The following TLN2 variants were observed in gnomAD, a reference collection of about 807,000 sequenced individuals.
TLN2 encodes the protein talin-2.
In TLN2, 118 loss-of-function variants were observed where a neutral mutation model predicts 294.7. That is an observed-to-expected ratio of 0.40 (90% CI 0.34 to 0.47). TLN2 has a LOEUF of 0.47. Ranked by LOEUF, TLN2 falls within the 20% of genes least tolerant of loss-of-function variation. TLN2 has a pLI of 0.84. For missense variants in TLN2, 3,083 were observed against 3,282.2 expected, an observed-to-expected ratio of 0.94 and a Z score of 1.48; for synonymous variants, 1,431 against 1,304.5, an observed-to-expected ratio of 1.10 and a Z score of -2.09.
chr15:62,627,489 G>C (rs1483488377), intron 3 of TLN2, among the ~76,000 whole-genome samples: 2 of 152,176 alleles, frequency 1.3e-5, no homozygotes, highest in African/African-American at 4.8e-5. Flanking sequence ...TTTAACAGTT[G>C]TAATTATCCT....
chr15:62,630,232 G>A (rs2049662265), intron 3 of TLN2, among the ~76,000 whole-genome samples: 1 of 152,206 alleles, frequency 6.6e-6, no homozygotes, highest in African/African-American at 2.4e-5. Context: ...GGTAAAGCCA[G>A]ATTTTAGGTA....
chr15:62,748,219 T>C (rs544809634), intron 32 of TLN2, 132 bp from the exon 33 acceptor site: 2 of 676,986 alleles, frequency 3.0e-6, no homozygotes, highest in African/African-American at 1.8e-5. Flanking sequence ...GTAGAGCCTC[T>C]GCAGAAGAGT....
At chr15:62,447,655 G>A (rs954884374) in intron 1 of TLN2, among the ~76,000 whole-genome samples, 2 of 151,910 alleles carry the variant, frequency 1.3e-5, no homozygotes, top group African/African-American at 2.4e-5. Flanking sequence ...CACCACGCCC[G>A]GCTAATTTTT....
intron 45 of TLN2, among the ~76,000 whole-genome samples, chr15:62,785,269 A>G (rs1428600732): frequency 6.6e-6 from 1 of 152,200 alleles, no homozygotes; most frequent in Admixed American, 6.5e-5. Flanking sequence ...CTGTTTTAGT[A>G]AGATCATCTA....
chr15:62,528,553 C>T (rs1053792782), intron 1 of TLN2, among the ~76,000 whole-genome samples: 1 of 151,938 alleles, frequency 6.6e-6, no homozygotes, highest in Non-Finnish European at 1.5e-5. Flanking sequence ...AGCAAGGGTA[C>T]TCAAGAGACA....
intron 10 of TLN2, 130 bp from the exon 11 acceptor site, chr15:62,675,087 C>T (rs748831689): frequency 2.2e-5 from 18 of 814,978 alleles, no homozygotes; most frequent in Non-Finnish European, 3.4e-5. Flanking sequence ...ATGGAGGGGT[C>T]TCAGACACAA....
chr15:62,486,774 G>A (rs2038423062), intron 1 of TLN2, among the ~76,000 whole-genome samples: 1 of 149,582 alleles, frequency 6.7e-6, no homozygotes, highest in Non-Finnish European at 1.5e-5. Flanking sequence ...AGTTTAAAGA[G>A]GGCATTGTCT....
chr15:62,805,031 TCA>T (rs1396383140), intron 50 of TLN2, among the ~76,000 whole-genome samples: 2 of 152,138 alleles, frequency 1.3e-5, no homozygotes, highest in African/African-American at 2.4e-5. Flanking sequence ...GCTAAATAAT[TCA>T]CAGTGTCACC....
chr15:62,819,112 G>C (rs2067348102), intron 52 of TLN2, among the ~76,000 whole-genome samples: 1 of 151,906 alleles, frequency 6.6e-6, no homozygotes, highest in Non-Finnish European at 1.5e-5. Context: ...CTCCCACCTC[G>C]GCCTCCCAAA....
chr15:62,675,345 G>C (rs759606601), intron 11 of TLN2, 24 bp downstream of exon 11: 4 of 1,609,812 alleles, frequency 2.5e-6, no homozygotes, highest in Non-Finnish European at 2.6e-6. Flanking sequence ...AATGGGGAGA[G>C]TGTTCACCTT....
chr15:62,514,170 C>T (rs1249319153), intron 1 of TLN2, among the ~76,000 whole-genome samples: 2 of 152,184 alleles, frequency 1.3e-5, no homozygotes, highest in African/African-American at 2.4e-5. Context: ...ACACCTCCAG[C>T]TTTTTTAGTT....
intron 28 of TLN2, among the ~76,000 whole-genome samples, chr15:62,733,723 TCTGTTA>T (rs1390659266): frequency 1.3e-5 from 2 of 152,242 alleles, no homozygotes; most frequent in Non-Finnish European, 2.9e-5. Flanking sequence ...TGTATAAGAC[TCTGTTA>T]CTAAGTATCA....
At chr15:62,792,827 G>C in intron 46 of TLN2, 40 bp downstream of exon 46, 1 of 1,609,440 alleles carries the variant, frequency 6.2e-7, no homozygotes, top group Non-Finnish European at 8.5e-7. Context: ...AAGAACCTGC[G>C]CTGGCTCTCA....
intron 54 of TLN2, 113 bp downstream of exon 54, chr15:62,820,723 C>G (rs1051610803): frequency 2.2e-6 from 3 of 1,393,066 alleles, no homozygotes; most frequent in African/African-American, 1.4e-5. Context: ...TATGGTCAGA[C>G]TAGCAAGCAG....
chr15:62,400,348 C>T (rs566119468), intron 1 of TLN2, among the ~76,000 whole-genome samples: 6 of 152,296 alleles, frequency 3.9e-5, no homozygotes, highest in Admixed American at 2.6e-4. Flanking sequence ...AAGTTAGAAT[C>T]TCAGTCAAGG....
In TLN2 at chr15:62,675,288, C is replaced by G; in HGVS notation, c.924C>G (p.Leu308=). The G allele has an allele frequency of 1.2e-6, 2 of 1,614,224 alleles. No homozygotes were observed. The highest frequency in any genetic ancestry group is 2.2e-5 in the East Asian group (1 of 44,878). ...AGTACGTCAAACTCGCACGGTCCCT[C>G]CGCACATATGGCGTGTCCTTCTTCC... ...KVKYVKLARS[L]RTYGVSFFLV... Residue 308 remains leucine, a synonymous_variant, in exon 11 of 59, where the codon CTC becomes CTG. Transcript: ENST00000636159.
intron 1 of TLN2, among the ~76,000 whole-genome samples, chr15:62,479,536 G>T (rs888531220): frequency 1.3e-5 from 2 of 152,128 alleles, no homozygotes; most frequent in Non-Finnish European, 2.9e-5. Flanking sequence ...GAGTGCAGTG[G>T]CGCAATCTTG....
chr15:62,478,292 G>A (rs956305245), intron 1 of TLN2, among the ~76,000 whole-genome samples: 3 of 152,134 alleles, frequency 2.0e-5, no homozygotes, highest in Admixed American at 2.0e-4. Context: ...GACTAGAAGT[G>A]GGATTTTACA....
intron 9 of TLN2, among the ~76,000 whole-genome samples, chr15:62,666,986 G>C (rs1328633916): frequency 6.6e-6 from 1 of 152,138 alleles, no homozygotes; most frequent in African/African-American, 2.4e-5. Flanking sequence ...TCTTTTTTGA[G>C]ATGGAGTCTC....
Sources: gnomAD v4.1 joint callset for allele counts (sites outside exome capture counted in the v4.1 genomes callset) on GRCh38, gnomAD v4.1.1 for gene constraint, MANE v1.5 for transcripts, NCBI Gene and HGNC (gene_info 2026-07-23, HGNC 2026-07-21) for gene names.